TPO: variants seen among roughly 807,000 people sequenced by gnomAD.
TPO encodes the protein thyroid peroxidase.
A neutral mutation model predicts 96.9 loss-of-function variants in TPO; 78 were observed. That is an observed-to-expected ratio of 0.81 (90% CI 0.67 to 0.97). The LOEUF (loss-of-function observed/expected upper bound fraction) is 0.97, where lower values mean the gene tolerates loss of function less well. Among genes scored for constraint, TPO ranks in the 50% least tolerant of loss-of-function variants. The pLI is 0.00. For missense variants in TPO, 1,252 were observed against 1,274.8 expected (o/e 0.98, Z 0.27); for synonymous variants, 547 against 538.0 (o/e 1.02, Z -0.23).
upstream of TPO, among the ~76,000 whole-genome samples, chr2:1,409,702 T>C (rs1239407797): frequency 1.3e-5 from 2 of 152,042 alleles, no homozygotes; most frequent in Non-Finnish European, 2.9e-5. Flanking sequence ...CCCACGGCCG[T>C]CGGGGGTCAT....
In TPO at chr2:1,542,720, A is replaced by C. The variant is rs1036414613; in HGVS notation, c.*246A>C. On this transcript the variant is annotated 3_prime_UTR_variant, in exon 17 of 17. Coordinates refer to ENST00000329066, the MANE Select transcript of TPO (RefSeq NM_001206744.2). ...GGGGCTTTGCCATTAAAATGTATTT[A>C]CAGATTACACATCTTTATTTTGTGA... 8.9e-6 allele frequency: 10 copies of C among 1,117,434 alleles called. No homozygotes were observed. The African/African-American group carries it at 1.6e-4, about 17-fold the overall frequency. The allele number at this position is 1,117,434 out of a possible 1,614,324, so 69.2% of individuals were successfully genotyped here.
At chr2:1,533,343 T>C (rs1292260720) in intron 15 of TPO, among the ~76,000 whole-genome samples, 18 of 66,402 alleles carry the variant, frequency 2.7e-4, no homozygotes, top group African/African-American at 1.1e-3. Context: ...CCCCACTGTG[T>C]GCAACCTTCC....
chr2:1,459,278 A>G lies in TPO; in HGVS notation c.819+2996A>G, dbSNP rs565365246. ...GCAATACTTCTGCCTCAGCCTCCCT[A>G]GTAGCTGGGACTACAGGCAGGTGCC... On this transcript the variant is annotated intron_variant, in intron 7 of 16. Transcript: ENST00000329066. Among the ~76,000 whole-genome samples the G allele has an allele frequency of 5.3e-5, 8 of 151,910 alleles. No homozygotes were observed. In the South Asian group the frequency reaches 1.5e-3, roughly 28 times the overall value.
At chr2:1,395,230 A>T (rs990702048) in intron 1 of TPO, among the ~76,000 whole-genome samples, 1 of 152,144 alleles carries the variant, frequency 6.6e-6, no homozygotes, top group Non-Finnish European at 1.5e-5. Flanking sequence ...AAGCTCTGGC[A>T]TAACTCAGAA....
chr2:1,486,224 TAAAAGGCTAA>T (rs1432731684), intron 9 of TPO, among the ~76,000 whole-genome samples: 6 of 152,120 alleles, frequency 3.9e-5, no homozygotes, highest in Non-Finnish European at 8.8e-5. Flanking sequence ...TAAAGCATTT[TAAAAGGCTAA>T]ACTGGGCTCA....
At chr2:1,507,675 GCTCT>G (rs1357857005) in intron 14 of TPO, among the ~76,000 whole-genome samples, 5 of 151,448 alleles carry the variant, frequency 3.3e-5, no homozygotes, top group South Asian at 4.2e-4. Context: ...TCATGATTTG[GCTCT>G]CTGTTTGTCT....
intron 5 of TPO, among the ~76,000 whole-genome samples, chr2:1,437,127 G>T (rs554824145): frequency 2.0e-5 from 3 of 152,298 alleles, no homozygotes; most frequent in South Asian, 2.1e-4. Flanking sequence ...AGGATGAGTG[G>T]GCATTTCTCA....
intron 6 of TPO, among the ~76,000 whole-genome samples, chr2:1,454,595 T>G (rs1667618140): frequency 1.3e-5 from 2 of 152,122 alleles, no homozygotes; most frequent in Non-Finnish European, 2.9e-5. Context: ...GGCTCGGTGC[T>G]CCCAGCAGCA....
Position 1,487,983 on chromosome 2 carries a change from G to A in TPO, c.1760G>A (p.Gly587Glu). The A allele has an allele frequency of 1.2e-6, 2 of 1,613,068 alleles. No homozygotes were observed. Among genetic ancestry groups the A allele is most frequent in the Non-Finnish European group, 1.7e-6 (2 of 1,180,036 alleles). ...AACCTGCAGAGGGGCCGGGACCACGGGCTGCCAGGTCTGCCAGTTCCTTCC... is the reference window on the plus strand; with the variant it reads ...AACCTGCAGAGGGGCCGGGACCACGAGCTGCCAGGTCTGCCAGTTCCTTCC... ...SINLQRGRDHGLPGYNEWREF... is the reference protein window; with the variant it reads ...SINLQRGRDHELPGYNEWREF... The change falls in exon 10 of 17, where the codon GGG (glycine) becomes GAG (glutamate). Residue 587 changes from glycine (G) to glutamate (E), a missense_variant. Gly to Glu is a moderately conservative substitution (Grantham distance 98). Coordinates refer to ENST00000329066, the MANE Select transcript of TPO (RefSeq NM_001206744.2).
At chr2:1,502,683 C>T (rs1558373169) in intron 13 of TPO, among the ~76,000 whole-genome samples, 1 of 152,198 alleles carries the variant, frequency 6.6e-6, no homozygotes, top group African/African-American at 2.4e-5. Context: ...AGCCACCGGA[C>T]CCGACTTCTT....
intron 5 of TPO, among the ~76,000 whole-genome samples, chr2:1,449,755 C>T (rs1048378644): frequency 3.9e-5 from 6 of 152,130 alleles, no homozygotes; most frequent in Non-Finnish European, 8.8e-5. Context: ...TGGGTATAAA[C>T]AATGCCAGAA....
At chr2:1,473,348 T>A (rs2148659935) in intron 7 of TPO, among the ~76,000 whole-genome samples, 1 of 152,320 alleles carries the variant, frequency 6.6e-6, no homozygotes, top group South Asian at 2.1e-4. Context: ...TAGCACTTTG[T>A]CACAGAAGAA....
At chr2:1,437,276 G>A (rs796516097) in intron 5 of TPO, among the ~76,000 whole-genome samples, 31 of 152,334 alleles carry the variant, frequency 2.0e-4, no homozygotes, top group African/African-American at 7.5e-4. Flanking sequence ...GGGTCTGGGG[G>A]AAACAGTGTG....
chr2:1,525,783 C>G (rs1490472818), intron 15 of TPO, among the ~76,000 whole-genome samples: 1 of 147,138 alleles, frequency 6.8e-6, no homozygotes, highest in South Asian at 2.2e-4. Context: ...AATCCCGCCA[C>G]TGTGTGCAAC....
intron 1 of TPO, chr2:1,374,545 T>C (rs1277881869): frequency 6.6e-6 from 1 of 152,174 alleles, no homozygotes; most frequent in African/African-American, 2.4e-5. Flanking sequence ...CCGTGGTCAC[T>C]GTGTTTAATT....
At position 1,477,467 on chromosome 2, in the gene TPO, C is replaced by G. The variant is rs1439072228; in HGVS notation, c.1201C>G (p.Pro401Ala). 8.5e-6 allele frequency: 13 copies of G among 1,528,134 alleles called. No individual in the cohort carries two copies. The highest frequency in any genetic ancestry group is 1.1e-5 in the Non-Finnish European group (13 of 1,143,146). The allele number at this position is 1,528,134 out of a possible 1,614,324, so 94.7% of individuals were successfully genotyped here. ...LAGDGRASEV[P>A]SLTALHTLWL... ...CGGAGACGGCCGCGCCAGCGAGGTC[C>G]CCTCCCTGACGGCACTGCACACGCT... The change falls in exon 8 of 17, where the codon CCC (proline) becomes GCC (alanine). Residue 401 changes from proline to alanine, a missense_variant. By Grantham distance (27) the Pro-to-Ala change is conservative. Transcript: ENST00000329066.
intron 14 of TPO, among the ~76,000 whole-genome samples, chr2:1,510,818 C>T (rs548330878): frequency 6.6e-6 from 1 of 152,058 alleles, no homozygotes. Context: ...GATTTACAGA[C>T]TTAGATTTAG....
intron 14 of TPO, among the ~76,000 whole-genome samples, chr2:1,506,610 T>G (rs1673494328): frequency 6.6e-6 from 1 of 152,248 alleles, no homozygotes; most frequent in Non-Finnish European, 1.5e-5. Flanking sequence ...ATTGTGGTTT[T>G]GATTTGCATT....
At chr2:1,432,461 A>G (rs1269003036) in intron 3 of TPO, among the ~76,000 whole-genome samples, 1 of 151,882 alleles carries the variant, frequency 6.6e-6, no homozygotes, top group Non-Finnish European at 1.5e-5. Context: ...TGTGTGGGAG[A>G]CCAGGAGTAA....
Sources: gnomAD v4.1 joint callset for allele counts (sites outside exome capture counted in the v4.1 genomes callset) on GRCh38, gnomAD v4.1.1 for gene constraint, MANE v1.5 for transcripts, NCBI Gene and HGNC (gene_info 2026-07-23, HGNC 2026-07-21) for gene names.